The following CEP135 variants were observed in gnomAD, a reference collection of about 807,000 sequenced individuals.
CEP135 encodes the protein centrosomal protein 135.
A neutral mutation model predicts 157.3 loss-of-function variants in CEP135; 142 were observed. That is an observed-to-expected ratio of 0.90 (90% CI 0.79 to 1.04). The LOEUF (loss-of-function observed/expected upper bound fraction) is 1.04. Ranked by LOEUF, CEP135 falls within the 50% of genes least tolerant of loss-of-function variation. The probability of loss-of-function intolerance (pLI) is 0.00; values close to 1 mark genes in which losing one functional copy is unlikely to be tolerated. For synonymous variants in CEP135, 396 were observed against 439.8 expected, an observed-to-expected ratio of 0.90 and a Z score of 1.25; for missense variants, 1,317 against 1,309.2, an observed-to-expected ratio of 1.01 and a Z score of -0.09.
At chr4:55,962,054 T>C (rs953554135) in intron 6 of CEP135, among the ~76,000 whole-genome samples, 1 of 152,190 alleles carries the variant, frequency 6.6e-6, no homozygotes, top group African/African-American at 2.4e-5. Flanking sequence ...ATAACAATCC[T>C]GTGAAGACGT....
At chr4:55,998,664 A>C (rs1424172220) in intron 15 of CEP135, among the ~76,000 whole-genome samples, 2 of 152,224 alleles carry the variant, frequency 1.3e-5, no homozygotes, top group Non-Finnish European at 2.9e-5. Context: ...CAGGAGTTTG[A>C]GACCAGCCTG....
intron 10 of CEP135, among the ~76,000 whole-genome samples, chr4:55,974,115 G>C (rs1277932563): frequency 6.6e-6 from 1 of 152,154 alleles, no homozygotes; most frequent in Non-Finnish European, 1.5e-5. Context: ...CTGGTGCTGG[G>C]CATGTAGTAA....
chr4:56,001,115 G>C (rs895860416), intron 17 of CEP135, among the ~76,000 whole-genome samples: 2 of 151,848 alleles, frequency 1.3e-5, no homozygotes, highest in African/African-American at 4.8e-5. Context: ...GAGTTTTTTT[G>C]CTATTGAGTT....
At chr4:56,013,915 C>G (rs889601382) in intron 21 of CEP135, among the ~76,000 whole-genome samples, 4 of 152,076 alleles carry the variant, frequency 2.6e-5, no homozygotes, top group African/African-American at 9.7e-5. Flanking sequence ...GGACTGATGT[C>G]TTTATAGGAC....
rs752318355 is a variant in CEP135 at position 55,999,517 on chromosome 4, C to T, written c.2152C>T (p.Gln718Ter). The T allele has an allele frequency of 6.2e-7, 1 of 1,610,958 alleles. No individual in the cohort carries two copies. Among genetic ancestry groups the T allele is most frequent in the South Asian group, 1.1e-5 (1 of 90,252 alleles). ...IDELNLKMTS[Q>*]DEEAHVMKKT... ...TGAACTAAACCTTAAGATGACTTCACAGGATGAGGAGGCTCATGTAATGAA... is the reference window on the plus strand; with the variant it reads ...TGAACTAAACCTTAAGATGACTTCATAGGATGAGGAGGCTCATGTAATGAA... The change falls in exon 17 of 26, where the codon CAG (glutamine) becomes TAG (stop). Residue 718 changes from glutamine (Q) to a stop codon, truncating the protein, a stop_gained. Transcript: ENST00000257287. LOFTEE classifies it high-confidence loss of function.
At chr4:56,020,805 G>A in intron 24 of CEP135, 25 bp downstream of exon 24, 2 of 1,559,788 alleles carry the variant, frequency 1.3e-6, no homozygotes, top group Non-Finnish European at 1.8e-6. Context: ...TTTTACATTT[G>A]ACAATGTTTT....
At chr4:55,953,010 T>TG (rs1728405419) in intron 2 of CEP135, 75 bp from the exon 3 acceptor site, 2 of 1,277,836 alleles carry the variant, frequency 1.6e-6, no homozygotes, top group Non-Finnish European at 1.0e-6. Flanking sequence ...ATTTTAAGCC[T>TG]CTTTAGAAAT....
At chr4:56,009,975 A>T (rs1442928460) in intron 19 of CEP135, 72 bp downstream of exon 19, 2 of 1,415,182 alleles carry the variant, frequency 1.4e-6, no homozygotes, top group Admixed American at 2.2e-5. Context: ...AGCTCTAAAT[A>T]TTTTTTCTAA....
intron 15 of CEP135, among the ~76,000 whole-genome samples, chr4:55,992,334 T>C (rs1729825973): frequency 6.6e-6 from 1 of 152,236 alleles, no homozygotes; most frequent in African/African-American, 2.4e-5. Context: ...TTTCACAGAT[T>C]AATATGATTG....
intron 19 of CEP135, among the ~76,000 whole-genome samples, chr4:56,010,716 T>C (rs1483778830): frequency 1.3e-5 from 2 of 152,182 alleles, no homozygotes; most frequent in Middle Eastern, 3.2e-3. Context: ...TTAGTTCTGT[T>C]CGTGCTGGTT....
chr4:55,973,212 G>A (rs941863653), intron 10 of CEP135, among the ~76,000 whole-genome samples: 1 of 152,170 alleles, frequency 6.6e-6, no homozygotes, highest in Non-Finnish European at 1.5e-5. Flanking sequence ...TCAGCTGTTT[G>A]AGTGTGCACC....
chr4:56,029,842 A>C (rs111960067), intron 25 of CEP135, among the ~76,000 whole-genome samples: 10,363 of 152,280 alleles, frequency 0.068, 514 homozygotes, highest in Middle Eastern at 0.22. Flanking sequence ...GGGAGCTTGC[A>C]GGACTGGAAG....
At position 55,952,335 on chromosome 4, in the gene CEP135, A is replaced by G. The variant is rs78348706; in HGVS notation, c.113+92A>G. 3.3e-5 allele frequency: 25 copies of G among 750,918 alleles called. No homozygotes were observed. In the African/African-American group the frequency reaches 3.9e-4, roughly 12 times the overall value. 46.5% of individuals were successfully genotyped at this position (750,918 alleles called of 1,614,324 possible). A position where few individuals can be genotyped will look rare whatever the true frequency, so the allele number is the denominator to read the frequency against. On this transcript the variant is annotated intron_variant, in intron 2 of 25. Transcript: ENST00000257287. ...TTCATGCTTTGGTAAAGAAAAGGGTAGCTTTCCGGAAAGGCTTTCAATCAT... is the reference window on the plus strand; with the variant it reads ...TTCATGCTTTGGTAAAGAAAAGGGTGGCTTTCCGGAAAGGCTTTCAATCAT...
intron 14 of CEP135, among the ~76,000 whole-genome samples, chr4:55,989,399 A>G (rs949516815): frequency 6.6e-6 from 1 of 152,226 alleles, no homozygotes; most frequent in Non-Finnish European, 1.5e-5. Context: ...CATTTCACAA[A>G]TAAGGAAACT....
At chr4:55,964,151 T>C (rs182893038) in intron 6 of CEP135, 123 bp from the exon 7 acceptor site, 2 of 848,276 alleles carry the variant, frequency 2.4e-6, no homozygotes, top group African/African-American at 3.4e-5. Context: ...GACACAAATA[T>C]GAATGTTAAT....
intron 10 of CEP135, 25 bp from the exon 11 acceptor site, chr4:55,974,721 A>G: frequency 6.5e-7 from 1 of 1,535,722 alleles, no homozygotes. Flanking sequence ...ACATTATTTT[A>G]AGAGTTAACC....
intron 13 of CEP135, 33 bp from the exon 14 acceptor site, chr4:55,985,248 C>A: frequency 7.9e-7 from 1 of 1,262,820 alleles, no homozygotes; most frequent in Non-Finnish European, 1.1e-6. Flanking sequence ...TTATCTGATA[C>A]AAATGAACAT....
At chr4:56,024,715 G>A (rs940690293) in intron 25 of CEP135, 101 bp downstream of exon 25, 56 of 768,282 alleles carry the variant, frequency 7.3e-5, no homozygotes, top group Middle Eastern at 5.0e-4. Flanking sequence ...CTGGTAAGGC[G>A]TTCAGGAGAA....
intron 23 of CEP135, 135 bp from the exon 24 acceptor site, chr4:56,020,539 ATG>A: frequency 1.5e-6 from 1 of 671,858 alleles, no homozygotes; most frequent in East Asian, 2.6e-5. Context: ...GAAAAAGAAA[ATG>A]TGATAAAAGC....
Sources: allele counts gnomAD v4.1 joint callset (sites outside exome capture counted in the v4.1 genomes callset), GRCh38; gene constraint gnomAD v4.1.1; transcripts MANE v1.5; gene names NCBI Gene and HGNC (gene_info 2026-07-23, HGNC 2026-07-21).